MAF: variants seen among roughly 807,000 people sequenced by gnomAD.
The protein encoded by MAF is transcription factor Maf.
A neutral mutation model predicts 22.0 loss-of-function variants in MAF; 10 were observed. The observed-to-expected ratio is 0.45, with a 90% CI of 0.28 to 0.77. MAF has a LOEUF of 0.77. Among genes scored for constraint, MAF ranks in the 30% least tolerant of loss-of-function variants. The pLI, the probability that MAF is intolerant of heterozygous loss-of-function variation, is 0.12. For synonymous variants in MAF, 337 were observed against 255.8 expected (o/e 1.32, Z -3.03); for missense variants, 544 against 548.4 (o/e 0.99, Z 0.08).
chr16:79,336,490 C>A, the MAF span, among the ~76,000 whole-genome samples: 1 of 152,178 alleles, frequency 6.6e-6, no homozygotes, highest in African/African-American at 2.4e-5. Context: ...AGTCAGAAAT[C>A]CTAAATAAAA....
chr16:79,482,310 G>A, the MAF span, among the ~76,000 whole-genome samples: 7 of 152,102 alleles, frequency 4.6e-5, no homozygotes, highest in Non-Finnish European at 7.3e-5. Flanking sequence ...TTCTGTTGGG[G>A]AAGTGTGGAG....
the MAF span, among the ~76,000 whole-genome samples, chr16:79,266,346 A>G: frequency 6.6e-6 from 1 of 152,184 alleles, no homozygotes; most frequent in African/African-American, 2.4e-5. Flanking sequence ...AAGGAAAACC[A>G]TGGATAAGGG....
chr16:79,203,472 T>C, the MAF span: 1 of 151,468 alleles, frequency 6.6e-6, no homozygotes, highest in East Asian at 1.9e-4. Flanking sequence ...CTTCCCATGA[T>C]GTGGCCCCAG....
At chr16:79,317,053 C>G in the MAF span, among the ~76,000 whole-genome samples, 1 of 152,090 alleles carries the variant, frequency 6.6e-6, no homozygotes, top group Non-Finnish European at 1.5e-5. Flanking sequence ...TTACCTAGTC[C>G]TTCACTTCAG....
the MAF span, among the ~76,000 whole-genome samples, chr16:79,353,778 T>C: frequency 1.3e-5 from 2 of 152,098 alleles, no homozygotes; most frequent in Non-Finnish European, 2.9e-5. Context: ...TTTTAGACGA[T>C]GGTCCTCACT....
chr16:79,317,822 G>C, the MAF span, among the ~76,000 whole-genome samples: 1 of 152,180 alleles, frequency 6.6e-6, no homozygotes, highest in African/African-American at 2.4e-5. Flanking sequence ...TTGCATGAGA[G>C]TTCAAAGCTG....
the MAF span, among the ~76,000 whole-genome samples, chr16:79,576,013 G>A: frequency 7.2e-5 from 11 of 152,094 alleles, no homozygotes; most frequent in African/African-American, 1.2e-4. Flanking sequence ...AGGTACTCAT[G>A]AGCCACTCCC....
the MAF span, among the ~76,000 whole-genome samples, chr16:79,573,256 G>A: frequency 2.0e-5 from 3 of 152,116 alleles, no homozygotes; most frequent in Non-Finnish European, 2.9e-5. Context: ...CTTTTGCTCT[G>A]CATAAGTTTT....
At chr16:79,229,073 C>T in the MAF span, among the ~76,000 whole-genome samples, 1 of 151,922 alleles carries the variant, frequency 6.6e-6, no homozygotes, top group African/African-American at 2.4e-5. Context: ...CCCCTTCTCA[C>T]CCACGGAGCT....
chr16:79,221,164 G>T, the MAF span, among the ~76,000 whole-genome samples: 2 of 152,172 alleles, frequency 1.3e-5, no homozygotes, highest in African/African-American at 4.8e-5. Flanking sequence ...AGAATTCTTT[G>T]CCTGGTTTGC....
At chr16:79,472,300 A>G in the MAF span, among the ~76,000 whole-genome samples, 1 of 152,220 alleles carries the variant, frequency 6.6e-6, no homozygotes, top group African/African-American at 2.4e-5. Context: ...ATTCGTGTCT[A>G]CATAAAGACT....
chr16:79,281,130 C>G, the MAF span, among the ~76,000 whole-genome samples: 3 of 151,292 alleles, frequency 2.0e-5, no homozygotes, highest in South Asian at 6.3e-4. Context: ...CAGAGGCTAC[C>G]AGAGGGAAGA....
chr16:79,320,360 G>C, the MAF span, among the ~76,000 whole-genome samples: 1 of 152,216 alleles, frequency 6.6e-6, no homozygotes. Context: ...ATGGAAGAAA[G>C]AAATTTCTCA....
At chr16:79,366,247 C>T in the MAF span, among the ~76,000 whole-genome samples, 2 of 152,130 alleles carry the variant, frequency 1.3e-5, no homozygotes, top group Admixed American at 1.3e-4. Context: ...CAAGATTCAA[C>T]CTTTAAAACG....
intron 1 of MAF, chr16:79,596,170 T>C: frequency 9.4e-7 from 1 of 1,062,880 alleles, no homozygotes; most frequent in Non-Finnish European, 1.1e-6. Flanking sequence ...TGTAGGGCCA[T>C]GCTCAGGAAG....
chr16:79,514,537 T>C, the MAF span, among the ~76,000 whole-genome samples: 1 of 152,208 alleles, frequency 6.6e-6, no homozygotes, highest in Non-Finnish European at 1.5e-5. Flanking sequence ...GCTTTGATTT[T>C]CCTAAGCATT....
At chr16:79,211,433 C>T in the MAF span, among the ~76,000 whole-genome samples, 2 of 152,302 alleles carry the variant, frequency 1.3e-5, no homozygotes, top group Non-Finnish European at 2.9e-5. Flanking sequence ...CCAGGATAGT[C>T]ACATTATACT....
chr16:79,563,012 G>T, the MAF span, among the ~76,000 whole-genome samples: 1 of 152,160 alleles, frequency 6.6e-6, no homozygotes, highest in East Asian at 1.9e-4. Flanking sequence ...GCCTCCTCCT[G>T]TCCATTCATC....
the MAF span, among the ~76,000 whole-genome samples, chr16:79,478,495 C>T: frequency 6.6e-6 from 1 of 152,130 alleles, no homozygotes; most frequent in East Asian, 1.9e-4. Context: ...CAATCACTAG[C>T]AGTGGGATAG....
Sources: gnomAD v4.1 joint callset for allele counts (sites outside exome capture counted in the v4.1 genomes callset) on GRCh38, gnomAD v4.1.1 for gene constraint, MANE v1.5 for transcripts, NCBI Gene and HGNC (gene_info 2026-07-23, HGNC 2026-07-21) for gene names.